Variants in COG5 observed in about 807,000 individuals in gnomAD.
COG5 encodes component of oligomeric golgi complex 5, also known as conserved oligomeric Golgi complex subunit 5.
COG5 carries 86 observed loss-of-function variants against 110.4 expected under a neutral mutation model. That is an observed-to-expected ratio of 0.78 (90% confidence interval 0.65 to 0.93). The LOEUF is 0.93. Ranked by LOEUF, COG5 falls within the 40% of genes least tolerant of loss-of-function variation. The probability of loss-of-function intolerance (pLI) is 0.00; values close to 1 mark genes in which losing one functional copy is unlikely to be tolerated. For missense variants in COG5, 1,077 were observed against 987.0 expected (o/e 1.09, Z -1.22); for synonymous variants, 360 against 334.6 (o/e 1.08, Z -0.83).
intron 5 of COG5, among the ~76,000 whole-genome samples, chr7:107,539,617 G>C (rs1229504270): frequency 6.6e-6 from 1 of 152,102 alleles, no homozygotes; most frequent in East Asian, 1.9e-4. Flanking sequence ...TCTGGCATTA[G>C]ATAATATTAT....
chr7:107,211,010 C>G, intron 20 of COG5, 89 bp downstream of exon 20: 1 of 1,452,874 alleles, frequency 6.9e-7, no homozygotes, highest in Non-Finnish European at 9.6e-7. Flanking sequence ...CAGCAGAGGG[C>G]CAGGAATCAT....
chr7:107,226,102 A>G (rs1339911563), intron 19 of COG5, among the ~76,000 whole-genome samples: 5 of 152,186 alleles, frequency 3.3e-5, no homozygotes, highest in Non-Finnish European at 7.4e-5. Flanking sequence ...CTGCTTAGTC[A>G]CCTGTTTTAC....
At chr7:107,314,898 G>A (rs1319055920) in intron 11 of COG5, among the ~76,000 whole-genome samples, 1 of 152,124 alleles carries the variant, frequency 6.6e-6, no homozygotes, top group East Asian at 1.9e-4. Flanking sequence ...TAAACTTTTA[G>A]TACTTTCCTA....
At chr7:107,279,286 C>T (rs964368929) in intron 14 of COG5, among the ~76,000 whole-genome samples, 2 of 152,138 alleles carry the variant, frequency 1.3e-5, no homozygotes, top group African/African-American at 4.8e-5. Flanking sequence ...AGTCAGGAAA[C>T]AACAGATTCT....
intron 5 of COG5, among the ~76,000 whole-genome samples, chr7:107,534,748 T>C (rs1393226453): frequency 2.6e-5 from 4 of 151,428 alleles, no homozygotes; most frequent in African/African-American, 9.8e-5. Flanking sequence ...ATGTCAATAT[T>C]AGTCAGATCA....
chr7:107,293,815 G>T (rs981349946), intron 12 of COG5, among the ~76,000 whole-genome samples: 2 of 152,136 alleles, frequency 1.3e-5, no homozygotes, highest in Non-Finnish European at 2.9e-5. Flanking sequence ...ACTCAGGCCT[G>T]TAATCCCACA....
At chr7:107,464,346 TATA>T (rs765769082) in intron 6 of COG5, among the ~76,000 whole-genome samples, 41 of 152,184 alleles carry the variant, frequency 2.7e-4, no homozygotes, top group Admixed American at 8.5e-4. Flanking sequence ...GTTTTGTTGA[TATA>T]ATAATAATTT....
intron 14 of COG5, among the ~76,000 whole-genome samples, chr7:107,275,289 T>TAA (rs34102814): frequency 5.8e-5 from 8 of 138,128 alleles, no homozygotes; most frequent in Non-Finnish European, 1.1e-4. Flanking sequence ...CCCCATCTCT[T>TAA]AAAAAAAAAA....
At chr7:107,549,910 TAC>T (rs538924955) in intron 3 of COG5, among the ~76,000 whole-genome samples, 1 of 152,036 alleles carries the variant, frequency 6.6e-6, no homozygotes, top group African/African-American at 2.4e-5. Flanking sequence ...ACTGATTTTA[TAC>T]ACACACACAC....
intron 7 of COG5, among the ~76,000 whole-genome samples, chr7:107,398,543 G>A (rs777931167): frequency 4.6e-5 from 7 of 152,148 alleles, no homozygotes; most frequent in Admixed American, 1.3e-4. Flanking sequence ...GATCTGAGGC[G>A]AACAGTTCAT....
chr7:107,283,631 G>T lies in COG5; in HGVS notation c.1415C>A (p.Pro472Gln). 6.2e-7 allele frequency: 1 copy of T among 1,613,638 alleles called. No individual in the cohort carries two copies. Among genetic ancestry groups the T allele is most frequent in the South Asian group, 1.1e-5 (1 of 91,068 alleles). ...LFDPINLVFP[P>Q]GGRNPPSSDE... is the part of the protein sequence containing the mutation. The stretch of plus-strand genomic sequence containing the variant: ...AGAGGAAGGAGGATTACGACCACCC[G>T]GGGGAAAAACCAAGTTGATAGGATC... Residue 472 changes from proline to glutamine, a missense_variant, in exon 13 of 22, where the codon CCG becomes CAG. Pro to Gln is a moderately conservative substitution (Grantham distance 76). Transcript: ENST00000297135.
chr7:107,430,295 C>G (rs964367030), intron 6 of COG5, among the ~76,000 whole-genome samples: 2 of 152,130 alleles, frequency 1.3e-5, no homozygotes, highest in East Asian at 3.9e-4. Context: ...TATATTCATT[C>G]TTTTGCATGT....
chr7:107,265,510 A>G (rs1174963575), intron 14 of COG5, among the ~76,000 whole-genome samples: 2 of 152,110 alleles, frequency 1.3e-5, no homozygotes, highest in African/African-American at 4.8e-5. Context: ...TCTTGGGCTC[A>G]AGAAGTCACC....
chr7:107,518,401 T>C lies in COG5; in HGVS notation c.538+8836A>G, dbSNP rs113494979. 5.1e-3 allele frequency among the ~76,000 whole-genome samples: 775 copies of C among 152,252 alleles called. 5 individuals carry two copies. The highest frequency in any genetic ancestry group is 0.018 in the African/African-American group (732 of 41,518). The stretch of plus-strand genomic sequence containing the variant: ...AGAGTCAAGATCAACTGATGAGCTA[T>C]ATTCAGGAGACCCATCTCACGTGCA... On this transcript the variant is annotated intron_variant, in intron 6 of 21. Coordinates refer to ENST00000297135, the MANE Select transcript of COG5 (RefSeq NM_006348.5).
At position 107,474,457 on chromosome 7, in the gene COG5, G is replaced by A. The variant is rs200865278; in HGVS notation, c.538+52780C>T. 1 of 1,613,254 alleles carries A rather than the reference G, an allele frequency of 6.2e-7. No homozygotes were observed. The highest frequency in any genetic ancestry group is 1.7e-5 in the Admixed American group (1 of 59,902). On this transcript the variant is annotated intron_variant, in intron 6 of 21. Coordinates refer to ENST00000297135, the MANE Select transcript of COG5 (RefSeq NM_006348.5). The surrounding 1 kb of genome is among the most constrained non-coding windows in gnomAD (Gnocchi z 5.7). The stretch of plus-strand genomic sequence containing the variant: ...TGCAAGTGTCTCAACAGCAATCAAC[G>A]TTTTTGCTATCACTTTGGACAGATA...
intron 16 of COG5, among the ~76,000 whole-genome samples, chr7:107,248,760 C>A (rs1007883009): frequency 1.3e-5 from 2 of 152,046 alleles, no homozygotes; most frequent in African/African-American, 2.4e-5. Context: ...GTTAAATAAG[C>A]CCATGAAAAA....
At chr7:107,395,905 T>C (rs1190481440) in intron 7 of COG5, among the ~76,000 whole-genome samples, 1 of 152,120 alleles carries the variant, frequency 6.6e-6, no homozygotes, top group Non-Finnish European at 1.5e-5. Context: ...ATGTATTTAA[T>C]AAAATTAGGC....
intron 14 of COG5, among the ~76,000 whole-genome samples, chr7:107,278,616 C>T (rs1232203912): frequency 6.6e-6 from 1 of 152,096 alleles, no homozygotes; most frequent in African/African-American, 2.4e-5. Flanking sequence ...TTTTTTATGG[C>T]TGCAGAAATA....
intron 16 of COG5, among the ~76,000 whole-genome samples, chr7:107,255,826 G>A (rs1357746010): frequency 6.6e-6 from 1 of 151,982 alleles, no homozygotes. Flanking sequence ...ACGCTTTATG[G>A]CCTTAGTTAC....
Sources: gnomAD v4.1 joint callset for allele counts (sites outside exome capture counted in the v4.1 genomes callset) on GRCh38, gnomAD v4.1.1 for gene constraint, Gnocchi (gnomAD v3.1) non-coding constraint, MANE v1.5 for transcripts, NCBI Gene and HGNC (gene_info 2026-07-23, HGNC 2026-07-21) for gene names.